Variants in FGFR2 observed in about 807,000 individuals in gnomAD.
The protein encoded by FGFR2 is BEK fibroblast growth factor receptor.
In FGFR2, 19 loss-of-function variants were observed where a neutral mutation model predicts 95.9. That is an observed-to-expected ratio of 0.20 (90% CI 0.14 to 0.29). FGFR2 has a LOEUF of 0.29. Among genes scored for constraint, FGFR2 ranks in the 10% least tolerant of loss-of-function variants. The probability of loss-of-function intolerance (pLI) is 1.00; values close to 1 mark genes in which losing one functional copy is unlikely to be tolerated. For synonymous variants in FGFR2, 392 were observed against 393.3 expected, an observed-to-expected ratio of 1.00 and a Z score of 0.04; for missense variants, 707 against 1,056.9, an observed-to-expected ratio of 0.67 and a Z score of 4.59.
chr10:121,493,545 T>C (rs1458475610), intron 13 of FGFR2, among the ~76,000 whole-genome samples: 1 of 152,222 alleles, frequency 6.6e-6, no homozygotes, highest in Non-Finnish European at 1.5e-5. Flanking sequence ...CTGATTTTCC[T>C]ACTGCTCAGG....
chr10:121,496,268 T>A (rs1846793059), intron 13 of FGFR2, among the ~76,000 whole-genome samples: 1 of 152,148 alleles, frequency 6.6e-6, no homozygotes. Flanking sequence ...AGAGCTGAAT[T>A]CCGAGGGAAA....
rs1272257914 is a variant in FGFR2, at chr10:121,551,398, G to A, written c.516C>T (p.Ala172=). Residue 172 remains alanine, a synonymous_variant, in exon 5 of 18, where the codon GCC becomes GCT. Transcript: ENST00000358487. ...CTGGGCAGCGAAACTTGACAGTGTTGGCCGCAGGCACAGCATGGAGCCGCT... is the reference window on the plus strand; with the variant it reads ...CTGGGCAGCGAAACTTGACAGTGTTAGCCGCAGGCACAGCATGGAGCCGCT... ...MEKRLHAVPA[A]NTVKFRCPAG... 6.2e-7 allele frequency: 1 copy of A among 1,614,044 alleles called. No individual in the cohort carries two copies. Among genetic ancestry groups the A allele is most frequent in the African/African-American group, 1.3e-5 (1 of 74,894 alleles).
intron 2 of FGFR2, among the ~76,000 whole-genome samples, chr10:121,592,817 T>C (rs1862860162): frequency 6.6e-6 from 1 of 152,240 alleles, no homozygotes; most frequent in South Asian, 2.1e-4. Context: ...ACAGGTTCAT[T>C]AAGTGGCGAT....
In FGFR2 at chr10:121,598,236, G is replaced by C; in HGVS notation, c.-425C>G. On this transcript the variant is annotated 5_prime_UTR_variant, in exon 1 of 18. Transcript: ENST00000358487. ...TGCCTCCACCAAACTTTGCTCGCGA[G>C]TTGCGAAGGCTCAGAGCGCGCAGGC... 1 of 396,706 alleles carries C rather than the reference G, an allele frequency of 2.5e-6. No individual in the cohort carries two copies. Among genetic ancestry groups the C allele is most frequent in the Non-Finnish European group, 4.4e-6 (1 of 224,918 alleles). 24.6% of individuals were successfully genotyped at this position (396,706 alleles called of 1,614,324 possible). A position where few individuals can be genotyped will look rare whatever the true frequency, so the allele number is the denominator to read the frequency against.
At chr10:121,505,531 CA>C (rs1393973276) in intron 9 of FGFR2, among the ~76,000 whole-genome samples, 1 of 152,166 alleles carries the variant, frequency 6.6e-6, no homozygotes, top group East Asian at 1.9e-4. Context: ...CTGAGATCCT[CA>C]CACCCAAGTG....
intron 2 of FGFR2, among the ~76,000 whole-genome samples, chr10:121,577,722 G>C (rs1187240226): frequency 2.0e-5 from 3 of 152,014 alleles, no homozygotes; most frequent in African/African-American, 7.3e-5. Flanking sequence ...GGCACGTGTG[G>C]CTTTTCCCAC....
At chr10:121,555,751 T>C (rs191815356) in intron 4 of FGFR2, among the ~76,000 whole-genome samples, 55 of 152,336 alleles carry the variant, frequency 3.6e-4, no homozygotes, top group African/African-American at 1.3e-3. Flanking sequence ...GCATATAGCA[T>C]ACCTACTCAT....
chr10:121,506,354 T>G, intron 9 of FGFR2, among the ~76,000 whole-genome samples: 1 of 52,064 alleles, frequency 1.9e-5, no homozygotes, highest in African/African-American at 6.3e-5. Context: ...CAAGACTCCG[T>G]CTCAAAAAAA....
chr10:121,482,788 G>A (rs1844926002), intron 17 of FGFR2, among the ~76,000 whole-genome samples: 1 of 152,158 alleles, frequency 6.6e-6, no homozygotes, highest in Non-Finnish European at 1.5e-5. Flanking sequence ...TTGTTGGCAA[G>A]GATCATAAAT....
chr10:121,519,862 G>T, intron 7 of FGFR2, 117 bp downstream of exon 7: 3 of 931,082 alleles, frequency 3.2e-6, no homozygotes, highest in Non-Finnish European at 5.1e-6. Flanking sequence ...CTCTCTGCTG[G>T]CTAGTCAAAA....
intron 6 of FGFR2, among the ~76,000 whole-genome samples, chr10:121,525,257 T>C (rs1383684721): frequency 6.6e-6 from 1 of 151,590 alleles, no homozygotes; most frequent in Non-Finnish European, 1.5e-5. Flanking sequence ...TTCAAAAGAG[T>C]GATTGGAAGG....
intron 1 of FGFR2, among the ~76,000 whole-genome samples, chr10:121,595,813 G>A (rs1158241888): frequency 1.3e-5 from 2 of 152,208 alleles, no homozygotes; most frequent in Admixed American, 6.5e-5. Context: ...GGCAGAGAAA[G>A]GTGGACAGGG....
At chr10:121,543,988 AAACAGAC>A (rs1854135935) in intron 5 of FGFR2, among the ~76,000 whole-genome samples, 1 of 152,194 alleles carries the variant, frequency 6.6e-6, no homozygotes, top group Admixed American at 6.5e-5. Context: ...TGCTTTTGCA[AAACAGAC>A]AAATGCCATA....
chr10:121,491,512 C>T (rs986689074), intron 13 of FGFR2, among the ~76,000 whole-genome samples: 5 of 152,092 alleles, frequency 3.3e-5, no homozygotes, highest in South Asian at 2.1e-4. Context: ...CGAATTCCTG[C>T]GGCAACCTAT....
intron 9 of FGFR2, among the ~76,000 whole-genome samples, chr10:121,508,305 G>C (rs1309079443): frequency 6.6e-6 from 1 of 152,224 alleles, no homozygotes; most frequent in Non-Finnish European, 1.5e-5. Flanking sequence ...GATGGGCTGG[G>C]GTTCTAGTAA....
At chr10:121,535,345 A>C (rs1469626006) in intron 6 of FGFR2, among the ~76,000 whole-genome samples, 1 of 152,244 alleles carries the variant, frequency 6.6e-6, no homozygotes, top group African/African-American at 2.4e-5. Context: ...TTCCGATTTT[A>C]CTGATGATAA....
At chr10:121,575,611 T>G (rs1157451878) in intron 2 of FGFR2, among the ~76,000 whole-genome samples, 1 of 152,240 alleles carries the variant, frequency 6.6e-6, no homozygotes, top group Middle Eastern at 3.4e-3. Flanking sequence ...TCCCAGCACT[T>G]TGGCAGGCCG....
intron 2 of FGFR2, among the ~76,000 whole-genome samples, chr10:121,566,284 C>T (rs1372898213): frequency 1.3e-5 from 2 of 152,152 alleles, no homozygotes; most frequent in African/African-American, 2.4e-5. Context: ...AGTACTTTGC[C>T]GGTTTAGAGA....
rs568689550 is a variant in FGFR2 at position 121,539,480 on chromosome 10, A to T, written c.625-765T>A. Reference sequence around the variant, plus strand: ...CCTACCCAAGGTACCATCAATACACAAAGAGACGCCATTCTTATGTTCTCC... The same window carrying T: ...CCTACCCAAGGTACCATCAATACACTAAGAGACGCCATTCTTATGTTCTCC... On this transcript the variant is annotated intron_variant, in intron 5 of 17. Coordinates refer to ENST00000358487, the MANE Select transcript of FGFR2 (RefSeq NM_000141.5). Among the ~76,000 whole-genome samples, 11 of 152,338 alleles carry T rather than the reference A, an allele frequency of 7.2e-5. No homozygotes were observed. In the East Asian group the frequency reaches 2.1e-3, roughly 29 times the overall value.
Sources: allele counts gnomAD v4.1 joint callset (sites outside exome capture counted in the v4.1 genomes callset), GRCh38; gene constraint gnomAD v4.1.1; transcripts MANE v1.5; gene names NCBI Gene and HGNC (gene_info 2026-07-23, HGNC 2026-07-21).